GTF2IRD1: variants seen among roughly 807,000 people sequenced by gnomAD.
GTF2IRD1 encodes the protein general transcription factor II-I repeat domain-containing protein 1.
GTF2IRD1 carries 26 observed loss-of-function variants against 113.2 expected under a neutral mutation model. The ratio of observed to expected loss-of-function variants is 0.23; its 90% confidence interval spans 0.17 to 0.32. The LOEUF is 0.32. Ranked by LOEUF, GTF2IRD1 falls within the 10% of genes least tolerant of loss-of-function variation. GTF2IRD1 has a pLI of 1.00. For missense variants in GTF2IRD1, 864 were observed against 1,280.8 expected (o/e 0.67, Z 4.97); for synonymous variants, 484 against 529.1 (o/e 0.91, Z 1.17).
chr7:74,524,264 T>C (rs1584598113), intron 8 of GTF2IRD1, 110 bp downstream of exon 8: 171 of 450,890 alleles, frequency 3.8e-4, no homozygotes, highest in Middle Eastern at 7.2e-4. Flanking sequence ...ATATGCTGGC[T>C]CCCGCGCGCC....
At chr7:74,516,064 A>G (rs1460787185) in intron 4 of GTF2IRD1, among the ~76,000 whole-genome samples, 2 of 152,218 alleles carry the variant, frequency 1.3e-5, no homozygotes, top group African/African-American at 2.4e-5. Flanking sequence ...ACTAGGTGAC[A>G]GGGCCCTACT....
chr7:74,561,076 C>T (rs1400850917), intron 22 of GTF2IRD1, among the ~76,000 whole-genome samples: 21 of 151,510 alleles, frequency 1.4e-4, no homozygotes, highest in Non-Finnish European at 2.2e-4. Flanking sequence ...GGGCCAGGCA[C>T]GGTGGCTCAC....
At chr7:74,583,371 C>CTTT (rs1168890388) in intron 22 of GTF2IRD1, among the ~76,000 whole-genome samples, 75 of 122,276 alleles carry the variant, frequency 6.1e-4, no homozygotes, top group Non-Finnish European at 8.5e-4. Flanking sequence ...CTTTTTTTTT[C>CTTT]TTTTTTTTTT....
chr7:74,499,819 AGAAT>A (rs1220696154), intron 1 of GTF2IRD1, among the ~76,000 whole-genome samples: 9 of 152,302 alleles, frequency 5.9e-5, no homozygotes, highest in Admixed American at 1.3e-4. Flanking sequence ...CACGAAAGAA[AGAAT>A]GAATGTGCAC....
chr7:74,504,254 T>TC (rs1554340389), intron 1 of GTF2IRD1, among the ~76,000 whole-genome samples: 4 of 151,124 alleles, frequency 2.6e-5, no homozygotes, highest in Non-Finnish European at 5.9e-5. Flanking sequence ...AAGTTGACTT[T>TC]TGAACCCAAA....
Position 74,557,791 on chromosome 7 carries a change from G to C in GTF2IRD1, c.2107+69G>C, listed in dbSNP as rs1236705274. 6 of 960,558 alleles carry C rather than the reference G, an allele frequency of 6.2e-6. No individual in the cohort carries two copies. In the African/African-American group the frequency reaches 6.5e-5, roughly 10 times the overall value. 59.5% of individuals were successfully genotyped at this position (960,558 alleles called of 1,614,324 possible). On this transcript the variant is annotated intron_variant, in intron 20 of 26. Transcript: ENST00000424337. ...GCACAGAGAAGTGGGAGGCTTCCCA[G>C]TTCCAGCCGAGGGCATTTCTGGGGA...
intron 1 of GTF2IRD1, among the ~76,000 whole-genome samples, chr7:74,454,434 C>G (rs1792823840): frequency 1.3e-5 from 2 of 151,942 alleles, no homozygotes; most frequent in Admixed American, 1.3e-4. Flanking sequence ...GTCACCCCCT[C>G]CCTCCTTGCC....
intron 22 of GTF2IRD1, among the ~76,000 whole-genome samples, chr7:74,560,760 T>C (rs1444877601): frequency 3.3e-5 from 5 of 151,864 alleles, no homozygotes; most frequent in African/African-American, 1.2e-4. Context: ...TTTTGTGTTT[T>C]TAGTAGAGCT....
intron 9 of GTF2IRD1, among the ~76,000 whole-genome samples, chr7:74,533,835 G>A (rs2130507309): frequency 6.6e-6 from 1 of 151,894 alleles, no homozygotes; most frequent in African/African-American, 2.4e-5. Flanking sequence ...GGAGTTCAAT[G>A]TGGACAACAC....
intron 1 of GTF2IRD1, among the ~76,000 whole-genome samples, chr7:74,497,676 G>T (rs1795809509): frequency 6.6e-6 from 1 of 152,054 alleles, no homozygotes; most frequent in African/African-American, 2.4e-5. Flanking sequence ...ACCAGCTCTT[G>T]TTTTTTTCCT....
At chr7:74,468,661 C>CAAA (rs563484086) in intron 1 of GTF2IRD1, among the ~76,000 whole-genome samples, 18 of 81,542 alleles carry the variant, frequency 2.2e-4, no homozygotes, top group African/African-American at 7.6e-4. Flanking sequence ...ACTCCATCTC[C>CAAA]AAAAAAAAAA....
chr7:74,546,741 G>A (rs1798966431), intron 16 of GTF2IRD1, among the ~76,000 whole-genome samples: 1 of 145,170 alleles, frequency 6.9e-6, no homozygotes, highest in South Asian at 2.2e-4. Flanking sequence ...TTACTGGAAG[G>A]GCGAGGCCCA....
intron 1 of GTF2IRD1, among the ~76,000 whole-genome samples, chr7:74,480,404 C>T (rs1248082153): frequency 3.3e-5 from 5 of 152,224 alleles, no homozygotes; most frequent in African/African-American, 9.6e-5. Context: ...GGCAAGCGCC[C>T]CCTCCTCCAC....
intron 22 of GTF2IRD1, among the ~76,000 whole-genome samples, chr7:74,583,371 C>CTTTTTTT (rs1168890388): frequency 3.3e-5 from 4 of 122,306 alleles, no homozygotes; most frequent in Admixed American, 8.6e-5. Context: ...CTTTTTTTTT[C>CTTTTTTT]TTTTTTTTTT....
rs79382591 is a variant in GTF2IRD1 at position 74,597,341 on chromosome 7, C to CT, written c.2629+2308dup. Among the ~76,000 whole-genome samples, 586 of 134,222 alleles carry CT rather than the reference C, an allele frequency of 4.4e-3. 3 individuals are homozygous for CT. The highest frequency in any genetic ancestry group is 9.0e-3 in the African/African-American group (320 of 35,742). 88.1% of individuals were successfully genotyped at this position (134,222 alleles called of 152,430 possible). A position where few individuals can be genotyped will look rare whatever the true frequency, so the allele number is the denominator to read the frequency against. Reference sequence around the variant, plus strand: ...ACAGGCGTAAGCCACTGCTACCGGCCTTTTTTTTTTTTTTTTTTCTTTCAA... The same window carrying CT: ...ACAGGCGTAAGCCACTGCTACCGGCCTTTTTTTTTTTTTTTTTTTCTTTCAA... On this transcript the variant is annotated intron_variant, in intron 25 of 26. Coordinates refer to ENST00000424337, the MANE Select transcript of GTF2IRD1 (RefSeq NM_005685.4).
At chr7:74,582,968 C>A (rs62475386) in intron 22 of GTF2IRD1, among the ~76,000 whole-genome samples, 1 of 150,698 alleles carries the variant, frequency 6.6e-6, no homozygotes, top group Non-Finnish European at 1.5e-5. Context: ...ACAGCAAGAC[C>A]CTGTCTCTAC....
intron 1 of GTF2IRD1, among the ~76,000 whole-genome samples, chr7:74,497,281 T>C (rs7786038): frequency 0.011 from 1,647 of 152,338 alleles, 24 homozygotes; most frequent in African/African-American, 0.037. Context: ...CTCATGTTAA[T>C]AGCAGCATTA....
At chr7:74,454,203 G>A in intron 1 of GTF2IRD1, 27 bp downstream of exon 1, 1 of 151,000 alleles carries the variant, frequency 6.6e-6, no homozygotes, top group Non-Finnish European at 1.5e-5. Flanking sequence ...CGGGGGGCGG[G>A]CACCGAGGCC....
At chr7:74,578,122 A>G (rs1224306538) in intron 22 of GTF2IRD1, among the ~76,000 whole-genome samples, 2 of 152,100 alleles carry the variant, frequency 1.3e-5, no homozygotes, top group Non-Finnish European at 2.9e-5. Context: ...TAATTTTTTA[A>G]AAATTATTTT....
Sources: allele counts gnomAD v4.1 joint callset (sites outside exome capture counted in the v4.1 genomes callset), GRCh38; gene constraint gnomAD v4.1.1; transcripts MANE v1.5; gene names NCBI Gene and HGNC (gene_info 2026-07-23, HGNC 2026-07-21).